Variants in NPAS3 observed in about 807,000 individuals in gnomAD.
NPAS3 encodes neuronal PAS domain protein 3, also known as neuronal PAS domain-containing protein 3.
NPAS3 carries 14 observed loss-of-function variants against 73.1 expected under a neutral mutation model. The ratio of observed to expected loss-of-function variants is 0.19; its 90% CI spans 0.13 to 0.30. The LOEUF is 0.30. Among genes scored for constraint, NPAS3 ranks in the 10% least tolerant of loss-of-function variants. The probability of loss-of-function intolerance (pLI) is 1.00; values close to 1 mark genes in which losing one functional copy is unlikely to be tolerated. For synonymous variants in NPAS3, 620 were observed against 541.5 expected (o/e 1.14, Z -2.01); for missense variants, 1,096 against 1,250.0 (o/e 0.88, Z 1.86).
At chr14:33,317,423 C>A (rs2043251287) in intron 3 of NPAS3, among the ~76,000 whole-genome samples, 1 of 152,060 alleles carries the variant, frequency 6.6e-6, no homozygotes, top group Non-Finnish European at 1.5e-5. Flanking sequence ...AGCCAACAAC[C>A]AGTGAATGGA....
At chr14:33,742,454 T>C (rs1303484032) in intron 7 of NPAS3, among the ~76,000 whole-genome samples, 1 of 152,234 alleles carries the variant, frequency 6.6e-6, no homozygotes, top group Non-Finnish European at 1.5e-5. Flanking sequence ...CTGTAGTCTA[T>C]TAAGTGTACA....
At chr14:33,149,330 G>T (rs1485783496) in intron 2 of NPAS3, among the ~76,000 whole-genome samples, 1 of 152,140 alleles carries the variant, frequency 6.6e-6, no homozygotes, top group African/African-American at 2.4e-5. Flanking sequence ...ATTTATAAAT[G>T]CTTTTAAAAT....
intron 1 of NPAS3, among the ~76,000 whole-genome samples, chr14:32,966,411 C>A (rs1410801783): frequency 6.6e-6 from 1 of 152,150 alleles, no homozygotes; most frequent in Non-Finnish European, 1.5e-5. Context: ...TTATAACCAA[C>A]TGATTTTTGA....
chr14:33,277,280 A>G (rs574655716), intron 3 of NPAS3, among the ~76,000 whole-genome samples: 4 of 152,284 alleles, frequency 2.6e-5, no homozygotes, highest in African/African-American at 9.6e-5. Context: ...GTTGACAAGC[A>G]AGAAGTCTTT....
chr14:33,684,351 G>A (rs749756336), intron 6 of NPAS3, among the ~76,000 whole-genome samples: 5 of 150,708 alleles, frequency 3.3e-5, no homozygotes, highest in African/African-American at 7.3e-5. Flanking sequence ...TCGCTCTGTC[G>A]CCCAGGCTGG....
intron 5 of NPAS3, among the ~76,000 whole-genome samples, chr14:33,628,123 A>G (rs373082676): frequency 6.6e-6 from 1 of 152,224 alleles, no homozygotes; most frequent in Non-Finnish European, 1.5e-5. Context: ...ATGGTTTGTT[A>G]TCTCTTTGTC....
At chr14:32,958,612 C>G (rs1251135220) in intron 1 of NPAS3, among the ~76,000 whole-genome samples, 1 of 152,168 alleles carries the variant, frequency 6.6e-6, no homozygotes. Context: ...GCTGACAACA[C>G]CAGTTTCTCA....
intron 4 of NPAS3, among the ~76,000 whole-genome samples, chr14:33,445,249 T>C (rs139820724): frequency 6.6e-6 from 1 of 152,344 alleles, no homozygotes; most frequent in East Asian, 1.9e-4. Flanking sequence ...TTCTCCTTTA[T>C]GCTAATATTT....
intron 6 of NPAS3, among the ~76,000 whole-genome samples, chr14:33,692,462 T>C (rs1336684195): frequency 6.6e-6 from 1 of 152,174 alleles, no homozygotes; most frequent in Non-Finnish European, 1.5e-5. Flanking sequence ...ACTGATAGAA[T>C]AGTGCATAAT....
rs1266357029 is a variant in NPAS3 at position 33,582,789 on chromosome 14, T to C, written c.558+22579T>C. Among the ~76,000 whole-genome samples, 3 of 152,322 alleles carry C rather than the reference T, an allele frequency of 2.0e-5. No homozygotes were observed. The East Asian group carries it at 5.8e-4, about 29-fold the overall frequency. On this transcript the variant is annotated intron_variant, in intron 5 of 11. Coordinates refer to ENST00000356141, the Ensembl canonical transcript of NPAS3. ...AAAATAATTATAGATATGTATGCTA[T>C]AACTAATGGAGAAATCCCTGTCTTA...
intron 3 of NPAS3, among the ~76,000 whole-genome samples, chr14:33,255,132 C>T (rs1435298583): frequency 1.3e-5 from 2 of 152,148 alleles, no homozygotes; most frequent in African/African-American, 4.8e-5. Context: ...TTCTTTCCAA[C>T]CCTAGCATGT....
exon 10 of NPAS3, chr14:33,794,009 T>G (rs2063441749): frequency 6.2e-7 from 1 of 1,613,490 alleles, no homozygotes; most frequent in Non-Finnish European, 8.5e-7. Flanking sequence ...AGAATGCAAA[T>G]GAAAAGAATA....
chr14:32,965,743 C>T (rs942157136), intron 1 of NPAS3, among the ~76,000 whole-genome samples: 3 of 152,066 alleles, frequency 2.0e-5, no homozygotes, highest in African/African-American at 7.2e-5. Flanking sequence ...ACAGGGCATC[C>T]AAATTGGAAA....
intron 4 of NPAS3, among the ~76,000 whole-genome samples, chr14:33,443,584 G>A: frequency 6.6e-6 from 1 of 152,188 alleles, no homozygotes; most frequent in Non-Finnish European, 1.5e-5. Context: ...CAGGCAGAGA[G>A]GGGACCAGTG....
intron 4 of NPAS3, among the ~76,000 whole-genome samples, chr14:33,549,243 T>C (rs190077447): frequency 1.3e-5 from 2 of 152,324 alleles, no homozygotes; most frequent in East Asian, 3.9e-4. Flanking sequence ...TATTTTATTT[T>C]ACTTTTGAGA....
chr14:33,105,472 C>T (rs1444239530), intron 2 of NPAS3, among the ~76,000 whole-genome samples: 1 of 152,098 alleles, frequency 6.6e-6, no homozygotes, highest in Non-Finnish European at 1.5e-5. Flanking sequence ...GCATCATTTT[C>T]AGTTCTCAAC....
chr14:33,285,503 CAAT>C (rs1457834010), intron 3 of NPAS3, among the ~76,000 whole-genome samples: 1 of 152,194 alleles, frequency 6.6e-6, no homozygotes, highest in Non-Finnish European at 1.5e-5. Flanking sequence ...CAGTCAACAA[CAAT>C]GAGGCCCAGG....
At position 33,141,963 on chromosome 14, in the gene NPAS3, G is replaced by A. The variant is rs370326669; in HGVS notation, c.141-73219G>A. On this transcript the variant is annotated intron_variant, in intron 2 of 11. Transcript: ENST00000356141. ...TTTTAGGACATTTCTTAATTTGATA[G>A]TAAAAATTAGTATTCCATTGAAAAT... 5.3e-4 allele frequency among the ~76,000 whole-genome samples: 80 copies of A among 152,216 alleles called. 1 individual carries two copies. The East Asian group carries it at 0.013, about 25-fold the overall frequency.
At chr14:33,361,708 A>G (rs756070375) in intron 3 of NPAS3, among the ~76,000 whole-genome samples, 69 of 152,330 alleles carry the variant, frequency 4.5e-4, no homozygotes, top group African/African-American at 1.6e-3. Flanking sequence ...TTTTTTGTCT[A>G]AATTGGTGAT....
Sources: allele counts gnomAD v4.1 joint callset (sites outside exome capture counted in the v4.1 genomes callset), GRCh38; gene constraint gnomAD v4.1.1; transcripts MANE v1.5; gene names NCBI Gene and HGNC (gene_info 2026-07-23, HGNC 2026-07-21).